Variants in CCNE2 observed in about 807,000 individuals in gnomAD.
CCNE2 encodes G1/S-specific cyclin-E2.
Under a neutral mutation model 56.8 loss-of-function variants are expected in CCNE2, and 18 were observed. The ratio of observed to expected loss-of-function variants is 0.32; its 90% CI spans 0.22 to 0.47. The LOEUF (loss-of-function observed/expected upper bound fraction) is 0.47. Ranked by LOEUF, CCNE2 falls within the 20% of genes least tolerant of loss-of-function variation. The probability of loss-of-function intolerance (pLI) is 1.00; values close to 1 mark genes in which losing one functional copy is unlikely to be tolerated. For synonymous variants in CCNE2, 139 were observed against 149.2 expected (o/e 0.93, Z 0.50); for missense variants, 371 against 467.1 (o/e 0.79, Z 1.90).
chr8:94,891,659 CAAAA>C (rs34021439), intron 5 of CCNE2: 1,418 of 260,368 alleles, frequency 5.4e-3, no homozygotes, highest in East Asian at 7.0e-3. Flanking sequence ...CCTCTGTCTC[CAAAA>C]AAAAAAAAAA....
At position 94,882,167 on chromosome 8, in the gene CCNE2, T is replaced by C; in HGVS notation, c.1066A>G (p.Asn356Asp). 6.2e-7 allele frequency: 1 copy of C among 1,613,108 alleles called. No homozygotes were observed. Among genetic ancestry groups the C allele is most frequent in the Non-Finnish European group, 8.5e-7 (1 of 1,179,656 alleles). Residue 356 changes from asparagine to aspartate, a missense_variant, in exon 11 of 12, where the codon AAT becomes GAT. Transcript: ENST00000308108. ...FKKIPMEDRH[N>D]IQTHTNYLAM... ...AAATAGTTTGTATGTGTCTGGATATTATGTCTGTCTTCCATAGGAATCTTC... is the reference window on the plus strand; with the variant it reads ...AAATAGTTTGTATGTGTCTGGATATCATGTCTGTCTTCCATAGGAATCTTC...
chr8:94,888,494 A>G (rs969091004), intron 6 of CCNE2, among the ~76,000 whole-genome samples: 1 of 152,076 alleles, frequency 6.6e-6, no homozygotes, highest in Non-Finnish European at 1.5e-5. Flanking sequence ...GTAAGTAGGT[A>G]CCATTATCCC....
At chr8:94,891,736 C>T in intron 5 of CCNE2, 1 of 850,300 alleles carries the variant, frequency 1.2e-6, no homozygotes, top group Non-Finnish European at 2.0e-6. Context: ...GCCATTCTGA[C>T]ATTACAATGG....
At chr8:94,884,338 CCTCT>C (rs1033025062) in intron 9 of CCNE2, among the ~76,000 whole-genome samples, 4 of 110,918 alleles carry the variant, frequency 3.6e-5, no homozygotes, top group Admixed American at 2.0e-4. Context: ...AATGGGATCT[CCTCT>C]TTTTTTTTTT....
intron 5 of CCNE2, chr8:94,891,469 G>A (rs1334507789): frequency 1.4e-5 from 4 of 285,106 alleles, no homozygotes; most frequent in Non-Finnish European, 2.7e-5. Flanking sequence ...GACCAGCCTG[G>A]CCAACATGGT....
chr8:94,896,293 C>T (rs1476066544), upstream of CCNE2, among the ~76,000 whole-genome samples: 6 of 148,610 alleles, frequency 4.0e-5, no homozygotes, highest in East Asian at 2.0e-4. Flanking sequence ...CCAGCGCGCC[C>T]TGCGGAGCCC....
upstream of CCNE2, among the ~76,000 whole-genome samples, chr8:94,895,450 G>A: frequency 6.6e-6 from 1 of 152,118 alleles, no homozygotes; most frequent in East Asian, 1.9e-4. Context: ...AACTCTCAGG[G>A]GCTCCTTCTC....
intron 5 of CCNE2, chr8:94,892,174 G>T: frequency 2.1e-6 from 1 of 475,156 alleles, no homozygotes; most frequent in Non-Finnish European, 4.0e-6. Context: ...ATACAAAAAA[G>T]TTAAACACAT....
Position 94,881,448 on chromosome 8 carries a change from T to C in CCNE2, c.*184A>G, listed in dbSNP as rs1013048602. 3 of 588,712 alleles carry C rather than the reference T, an allele frequency of 5.1e-6. No homozygotes were observed. The highest frequency in any genetic ancestry group is 4.3e-4 in the Middle Eastern group (1 of 2,314). 36.5% of individuals were successfully genotyped at this position (588,712 alleles called of 1,614,324 possible). ...CCTGCTGTTTCTTTAACAGCTAACATAGGAAATAATTAAATGTATTCTTTA... is the reference window on the plus strand; with the variant it reads ...CCTGCTGTTTCTTTAACAGCTAACACAGGAAATAATTAAATGTATTCTTTA... On this transcript the variant is annotated 3_prime_UTR_variant, in exon 12 of 12. Coordinates refer to ENST00000308108, the MANE Select transcript of CCNE2 (RefSeq NM_057749.3).
In CCNE2 at chr8:94,892,961, C is replaced by T; in HGVS notation, c.174G>A (p.Trp58Ter). Residue 58 changes from tryptophan to a stop codon, truncating the protein, a stop_gained, in exon 5 of 12, where the codon TGG becomes TGA. Transcript: ENST00000308108. LOFTEE classifies it high-confidence loss of function. Reference sequence around the variant, plus strand: ...TGATCCCCCCAGATAATACAGGTGGCCAACAATTCTGTCATAAAAAAAAAG... The same window carrying T: ...TGATCCCCCCAGATAATACAGGTGGTCAACAATTCTGTCATAAAAAAAAAG... ...KKHQYEIRNC[W>*]PPVLSGGISP... The T allele has an allele frequency of 1.3e-6, 2 of 1,528,546 alleles. No individual in the cohort carries two copies. The highest frequency in any genetic ancestry group is 1.7e-6 in the Non-Finnish European group (2 of 1,151,294). 94.7% of individuals were successfully genotyped at this position (1,528,546 alleles called of 1,614,324 possible). A position where few individuals can be genotyped will look rare whatever the true frequency, so the allele number is the denominator to read the frequency against.
At chr8:94,893,349 A>T (rs1426394566) in intron 4 of CCNE2, among the ~76,000 whole-genome samples, 11 of 151,180 alleles carry the variant, frequency 7.3e-5, no homozygotes, top group Admixed American at 2.0e-4. Context: ...AGCTCTTTTT[A>T]AAAAAAGTGT....
rs569152655 is a variant in CCNE2, at chr8:94,885,251, C to T, written c.697-50G>A. On this transcript the variant is annotated intron_variant, in intron 8 of 11. Transcript: ENST00000308108. The stretch of plus-strand genomic sequence containing the variant: ...CTGTTAATGAATGTAGACACATACA[C>T]CACATTATACAGCAGAGCTTAGAGG... 9 of 1,519,960 alleles carry T rather than the reference C, an allele frequency of 5.9e-6. No individual in the cohort carries two copies. The South Asian group carries it at 6.8e-5, about 11-fold the overall frequency. 94.2% of individuals were successfully genotyped at this position (1,519,960 alleles called of 1,614,324 possible). A position where few individuals can be genotyped will look rare whatever the true frequency, so the allele number is the denominator to read the frequency against.
chr8:94,885,237 T>C (rs1368104697), intron 8 of CCNE2, 36 bp from the exon 9 acceptor site: 1 of 1,589,504 alleles, frequency 6.3e-7, no homozygotes, highest in Non-Finnish European at 8.6e-7. Flanking sequence ...TGTTAATGAA[T>C]GTAGACACAT....
upstream of CCNE2, among the ~76,000 whole-genome samples, chr8:94,896,283 C>G (rs1313460020): frequency 6.7e-6 from 1 of 148,454 alleles, no homozygotes; most frequent in African/African-American, 2.4e-5. Flanking sequence ...GCCGCCGCCG[C>G]CAGCGCGCCC....
Position 94,887,926 on chromosome 8 carries a change from C to A in CCNE2, c.600+1G>T. 1 of 1,562,242 alleles carries A rather than the reference C, an allele frequency of 6.4e-7. No individual in the cohort carries two copies. The highest frequency in any genetic ancestry group is 8.6e-7 in the Non-Finnish European group (1 of 1,160,698). Reference sequence around the variant, plus strand: ...CTAAGGATAAACTTTTAAGAACTTACCTCAAGTTTGGAAGCAATGAATAAT... The same window carrying A: ...CTAAGGATAAACTTTTAAGAACTTAACTCAAGTTTGGAAGCAATGAATAAT... On this transcript the variant is annotated splice_donor_variant, in intron 7 of 11. Transcript: ENST00000308108. LOFTEE classifies it high-confidence loss of function.
intron 7 of CCNE2, among the ~76,000 whole-genome samples, 169 bp from the exon 8 acceptor site, chr8:94,885,727 CTTT>C (rs747420459): frequency 0.038 from 4,341 of 114,002 alleles, 45 homozygotes; most frequent in Non-Finnish European, 0.044. Flanking sequence ...CATTTTCTTT[CTTT>C]TTTTTTTTTT....
intron 1 of CCNE2, 54 bp from the exon 2 acceptor site, chr8:94,894,301 C>T (rs1375914778): frequency 2.5e-6 from 4 of 1,574,752 alleles, no homozygotes; most frequent in East Asian, 4.5e-5. Context: ...TCACATTCTC[C>T]AAGTGCCAGT....
intron 10 of CCNE2, 63 bp downstream of exon 10, chr8:94,882,718 C>G (rs1816871710): frequency 9.2e-7 from 1 of 1,082,766 alleles, no homozygotes; most frequent in Non-Finnish European, 1.4e-6. Context: ...TGTTAAAGTT[C>G]AGAGACTGTA....
chr8:94,894,487 C>T (rs1319723683), intron 1 of CCNE2: 3 of 509,594 alleles, frequency 5.9e-6, no homozygotes, highest in Non-Finnish European at 1.0e-5. Flanking sequence ...TTACCAAGCA[C>T]TCCTGACACC....
Sources: gnomAD v4.1 joint callset for allele counts (sites outside exome capture counted in the v4.1 genomes callset) on GRCh38, gnomAD v4.1.1 for gene constraint, MANE v1.5 for transcripts, NCBI Gene and HGNC (gene_info 2026-07-23, HGNC 2026-07-21) for gene names.